The following HSDL2 variants were observed in gnomAD, a reference collection of about 807,000 sequenced individuals.
HSDL2 encodes the protein hydroxysteroid dehydrogenase-like protein 2.
In HSDL2, 27 loss-of-function variants were observed where a neutral mutation model predicts 46.3. The observed-to-expected ratio is 0.58, with a 90% CI of 0.43 to 0.80. HSDL2 has a LOEUF of 0.80. Among genes scored for constraint, HSDL2 ranks in the 30% least tolerant of loss-of-function variants. HSDL2 has a pLI of 0.00. For synonymous variants in HSDL2, 153 were observed against 163.6 expected, an observed-to-expected ratio of 0.94 and a Z score of 0.50; for missense variants, 451 against 502.7, an observed-to-expected ratio of 0.90 and a Z score of 0.98.
At chr9:112,430,083 CAA>C (rs112160941) in intron 6 of HSDL2, among the ~76,000 whole-genome samples, 12 of 137,166 alleles carry the variant, frequency 8.7e-5, no homozygotes, top group Admixed American at 7.4e-5. Flanking sequence ...AACCCTATCT[CAA>C]AAAAAAAAAA....
intron 4 of HSDL2, among the ~76,000 whole-genome samples, chr9:112,415,625 T>A (rs1488743766): frequency 1.3e-5 from 2 of 152,330 alleles, no homozygotes; most frequent in Non-Finnish European, 1.5e-5. Flanking sequence ...GAATTTGGGA[T>A]GGTTGTGGTT....
At chr9:112,436,242 CAAAAAAA>C (rs527930574) in intron 6 of HSDL2, among the ~76,000 whole-genome samples, 13 of 77,662 alleles carry the variant, frequency 1.7e-4, no homozygotes, top group East Asian at 1.1e-3. Context: ...GACCCTATCT[CAAAAAAA>C]AAAAAAAAAA....
chr9:112,439,234 G>C (rs2132671863), intron 7 of HSDL2, among the ~76,000 whole-genome samples: 1 of 152,320 alleles, frequency 6.6e-6, no homozygotes, highest in Admixed American at 6.5e-5. Context: ...CTGAGCTCAA[G>C]TGATCTGCCT....
intron 9 of HSDL2, among the ~76,000 whole-genome samples, chr9:112,456,770 G>T (rs1337944559): frequency 6.6e-6 from 1 of 152,090 alleles, no homozygotes; most frequent in Non-Finnish European, 1.5e-5. Context: ...CCAGGAAATG[G>T]TTTTTTTGCA....
At chr9:112,411,967 A>C (rs1280019321) in intron 4 of HSDL2, among the ~76,000 whole-genome samples, 1 of 152,232 alleles carries the variant, frequency 6.6e-6, no homozygotes, top group Admixed American at 6.5e-5. Context: ...TTGTGTGAAT[A>C]AGTTTAATGA....
intron 1 of HSDL2, among the ~76,000 whole-genome samples, chr9:112,385,109 C>CACAACAACA (rs58515929): frequency 4.0e-5 from 6 of 150,818 alleles, no homozygotes; most frequent in Non-Finnish European, 8.9e-5. Context: ...AAAAGAAAAA[C>CACAACAACA]ACAACAACAA....
At chr9:112,417,202 C>T (rs1028596584) in intron 5 of HSDL2, among the ~76,000 whole-genome samples, 1 of 152,124 alleles carries the variant, frequency 6.6e-6, no homozygotes, top group Non-Finnish European at 1.5e-5. Flanking sequence ...TGTATATAAC[C>T]AACACCCAAA....
intron 10 of HSDL2, among the ~76,000 whole-genome samples, chr9:112,466,609 T>C (rs1833395316): frequency 6.6e-6 from 1 of 152,148 alleles, no homozygotes; most frequent in Non-Finnish European, 1.5e-5. Context: ...ATACATGATT[T>C]ACAAATGCTT....
At chr9:112,401,085 A>G (rs1250101178) in intron 1 of HSDL2, among the ~76,000 whole-genome samples, 1 of 152,156 alleles carries the variant, frequency 6.6e-6, no homozygotes, top group Non-Finnish European at 1.5e-5. Context: ...CCTTGCTGTT[A>G]TCTTAATTTT....
chr9:112,399,595 G>A (rs1242063364), intron 1 of HSDL2, among the ~76,000 whole-genome samples: 1 of 152,138 alleles, frequency 6.6e-6, no homozygotes, highest in Non-Finnish European at 1.5e-5. Context: ...AACTGCATAA[G>A]ACAGACGTTC....
intron 3 of HSDL2, among the ~76,000 whole-genome samples, chr9:112,406,416 GT>G (rs111364055): frequency 0.026 from 3,944 of 152,140 alleles, 144 homozygotes; most frequent in East Asian, 0.1. Context: ...TCTTCACAAA[GT>G]CAGTTCCCTC....
At chr9:112,423,862 C>T (rs1485366181) in intron 6 of HSDL2, among the ~76,000 whole-genome samples, 1 of 151,004 alleles carries the variant, frequency 6.6e-6, no homozygotes, top group Admixed American at 6.6e-5. Context: ...TACAGGCACT[C>T]GCCCCCACGC....
intron 1 of HSDL2, among the ~76,000 whole-genome samples, chr9:112,400,157 C>T (rs1253499573): frequency 2.0e-5 from 3 of 152,196 alleles, no homozygotes; most frequent in African/African-American, 7.2e-5. Flanking sequence ...TATTCCACCT[C>T]ATTAGTAACT....
chr9:112,417,521 A>C (rs1171092084), intron 5 of HSDL2, among the ~76,000 whole-genome samples: 3 of 151,470 alleles, frequency 2.0e-5, no homozygotes, highest in African/African-American at 7.3e-5. Context: ...ATTACCTTTC[A>C]TAGCAAACTA....
At chr9:112,414,815 C>T (rs1831956264) in intron 4 of HSDL2, among the ~76,000 whole-genome samples, 1 of 152,116 alleles carries the variant, frequency 6.6e-6, no homozygotes, top group Admixed American at 6.6e-5. Context: ...TCTACCAAAA[C>T]CCCTCTAGTG....
At chr9:112,419,017 T>C in intron 6 of HSDL2, 59 bp downstream of exon 6, 1 of 915,986 alleles carries the variant, frequency 1.1e-6, no homozygotes, top group Admixed American at 1.8e-5. Flanking sequence ...TGACACTTAT[T>C]ATTATTTTTT....
intron 10 of HSDL2, among the ~76,000 whole-genome samples, chr9:112,461,962 A>G (rs1388226200): frequency 2.6e-5 from 4 of 152,206 alleles, no homozygotes; most frequent in African/African-American, 7.2e-5. Flanking sequence ...TTAAAAAAAC[A>G]ATTATTCTTA....
chr9:112,387,901 G>C (rs1831251478), intron 1 of HSDL2, among the ~76,000 whole-genome samples: 1 of 152,152 alleles, frequency 6.6e-6, no homozygotes, highest in Non-Finnish European at 1.5e-5. Context: ...GCTCATGCTT[G>C]TAATCCCAGC....
chr9:112,395,740 G>A (rs1831440520), intron 1 of HSDL2, among the ~76,000 whole-genome samples: 1 of 152,202 alleles, frequency 6.6e-6, no homozygotes. Flanking sequence ...AGCATTAATG[G>A]CCCTTAAAGC....
Sources: allele counts gnomAD v4.1 joint callset (sites outside exome capture counted in the v4.1 genomes callset), GRCh38; gene constraint gnomAD v4.1.1; transcripts MANE v1.5; gene names NCBI Gene and HGNC (gene_info 2026-07-23, HGNC 2026-07-21).